Variants in LRMDA observed in about 807,000 individuals in gnomAD.
LRMDA encodes leucine-rich melanocyte differentiation-associated protein.
Under a neutral mutation model 29.8 loss-of-function variants are expected in LRMDA, and 18 were observed. The observed-to-expected ratio is 0.60, with a 90% CI of 0.42 to 0.90. The LOEUF is 0.90. Ranked by LOEUF, LRMDA falls within the 40% of genes least tolerant of loss-of-function variation. The probability of loss-of-function intolerance (pLI) is 0.00; values close to 1 mark genes in which losing one functional copy is unlikely to be tolerated. For missense variants in LRMDA, 273 were observed against 273.9 expected (o/e 1.00, Z 0.02); for synonymous variants, 125 against 109.4 (o/e 1.14, Z -0.89).
At chr10:75,878,759 T>C (rs1409638919) in intron 2 of LRMDA, among the ~76,000 whole-genome samples, 2 of 152,130 alleles carry the variant, frequency 1.3e-5, no homozygotes, top group African/African-American at 4.8e-5. Context: ...CCCCCTCCTG[T>C]ATCAAAGACG....
intron 2 of LRMDA, among the ~76,000 whole-genome samples, chr10:75,555,732 C>A (rs971287404): frequency 1.3e-5 from 2 of 152,082 alleles, no homozygotes; most frequent in African/African-American, 4.8e-5. Flanking sequence ...TGACGAAACA[C>A]AATCAACAGA....
At chr10:75,655,759 A>G (rs931578976) in intron 2 of LRMDA, among the ~76,000 whole-genome samples, 3 of 152,158 alleles carry the variant, frequency 2.0e-5, no homozygotes, top group Non-Finnish European at 4.4e-5. Flanking sequence ...CTGCCCTGAA[A>G]GGTTTGGGCC....
intron 5 of LRMDA, among the ~76,000 whole-genome samples, chr10:76,074,900 T>G (rs1290585772): frequency 6.6e-6 from 1 of 152,188 alleles, no homozygotes; most frequent in African/African-American, 2.4e-5. Flanking sequence ...AACTCCTTGA[T>G]GGAGAGTGAG....
At chr10:75,559,961 T>A (rs1840269335) in intron 2 of LRMDA, among the ~76,000 whole-genome samples, 1 of 146,840 alleles carries the variant, frequency 6.8e-6, no homozygotes, top group Non-Finnish European at 1.5e-5. Context: ...TGAAGTCAGG[T>A]AGCATGATGC....
At chr10:75,716,486 T>C (rs1463677619) in intron 2 of LRMDA, among the ~76,000 whole-genome samples, 1 of 152,218 alleles carries the variant, frequency 6.6e-6, no homozygotes, top group African/African-American at 2.4e-5. Flanking sequence ...TCCAATGCAT[T>C]TGAATTAAGA....
intron 6 of LRMDA, among the ~76,000 whole-genome samples, chr10:76,397,869 A>G (rs920878690): frequency 1.3e-5 from 2 of 152,240 alleles, no homozygotes; most frequent in African/African-American, 4.8e-5. Context: ...GTGCTTTTAA[A>G]TTGTACATGC....
chr10:75,748,892 T>C (rs568605109), intron 2 of LRMDA, among the ~76,000 whole-genome samples: 2 of 152,316 alleles, frequency 1.3e-5, no homozygotes, highest in Admixed American at 6.5e-5. Flanking sequence ...TTATATCTGA[T>C]ATATACATTT....
chr10:75,960,047 A>G (rs1345347156), intron 2 of LRMDA, among the ~76,000 whole-genome samples: 2 of 151,910 alleles, frequency 1.3e-5, no homozygotes, highest in Non-Finnish European at 2.9e-5. Flanking sequence ...ACCCTCTGCT[A>G]CTCTGGTTCC....
At chr10:76,450,757 T>A (rs1436482205) in intron 6 of LRMDA, among the ~76,000 whole-genome samples, 8 of 152,180 alleles carry the variant, frequency 5.3e-5, no homozygotes, top group Admixed American at 5.2e-4. Flanking sequence ...GTTTCCTAGG[T>A]TAATTTCTTA....
chr10:75,949,612 C>A (rs1464549886), intron 2 of LRMDA, among the ~76,000 whole-genome samples: 1 of 152,122 alleles, frequency 6.6e-6, no homozygotes, highest in East Asian at 1.9e-4. Context: ...CCTCTCTCAT[C>A]CTTTGGCCAT....
intron 6 of LRMDA, among the ~76,000 whole-genome samples, chr10:76,509,575 C>T (rs1467419783): frequency 6.6e-6 from 1 of 152,184 alleles, no homozygotes; most frequent in Non-Finnish European, 1.5e-5. Flanking sequence ...ATAAATGTAA[C>T]AGCCACAAAA....
chr10:76,126,636 T>C (rs1849889036), intron 5 of LRMDA, among the ~76,000 whole-genome samples: 1 of 152,238 alleles, frequency 6.6e-6, no homozygotes. Flanking sequence ...ACCCACACTA[T>C]CCTTTTTCCA....
chr10:76,293,879 T>C (rs1204246245), intron 5 of LRMDA, among the ~76,000 whole-genome samples: 2 of 152,238 alleles, frequency 1.3e-5, no homozygotes, highest in African/African-American at 4.8e-5. Context: ...TTGTAATATT[T>C]AGCTTCATGT....
At chr10:76,069,749 G>A (rs1848845741) in intron 5 of LRMDA, among the ~76,000 whole-genome samples, 1 of 151,766 alleles carries the variant, frequency 6.6e-6, no homozygotes, top group South Asian at 2.1e-4. Context: ...TATCTGGCTC[G>A]GTGACCTGTC....
intron 6 of LRMDA, among the ~76,000 whole-genome samples, chr10:76,478,679 A>C (rs1842704351): frequency 2.6e-5 from 4 of 152,152 alleles, no homozygotes; most frequent in Non-Finnish European, 4.4e-5. Flanking sequence ...TGGATTAAGA[A>C]AATGTGGCAC....
intron 6 of LRMDA, among the ~76,000 whole-genome samples, chr10:76,379,388 CT>C (rs1230563391): frequency 6.6e-6 from 1 of 151,996 alleles, no homozygotes; most frequent in Non-Finnish European, 1.5e-5. Context: ...AGATTTTTTA[CT>C]ACTGATTCAA....
At chr10:76,019,862 T>G (rs1377183189) in intron 2 of LRMDA, among the ~76,000 whole-genome samples, 1 of 152,190 alleles carries the variant, frequency 6.6e-6, no homozygotes, top group Non-Finnish European at 1.5e-5. Context: ...ATCATGGATA[T>G]CCACACACAA....
intron 2 of LRMDA, among the ~76,000 whole-genome samples, chr10:75,755,746 C>T (rs950572655): frequency 5.9e-5 from 9 of 152,214 alleles, no homozygotes; most frequent in African/African-American, 1.4e-4. Flanking sequence ...TGCAACATCG[C>T]GGCAGCGGCA....
intron 2 of LRMDA, among the ~76,000 whole-genome samples, chr10:75,934,058 C>T (rs1846247749): frequency 6.6e-6 from 1 of 152,108 alleles, no homozygotes; most frequent in Admixed American, 6.6e-5. Flanking sequence ...AGCTCTGTGG[C>T]CTTAGGTAAG....
Sources: gnomAD v4.1 joint callset for allele counts (sites outside exome capture counted in the v4.1 genomes callset) on GRCh38, gnomAD v4.1.1 for gene constraint, MANE v1.5 for transcripts, NCBI Gene and HGNC (gene_info 2026-07-23, HGNC 2026-07-21) for gene names.